NECAB1: variants seen among roughly 807,000 people sequenced by gnomAD.
NECAB1 encodes N-terminal EF-hand calcium-binding protein 1.
Under a neutral mutation model 57.5 loss-of-function variants are expected in NECAB1, and 29 were observed. That is an observed-to-expected ratio of 0.50 (90% CI 0.38 to 0.69). The LOEUF is 0.69. Ranked by LOEUF, NECAB1 falls within the 30% of genes least tolerant of loss-of-function variation. NECAB1 has a pLI of 0.00. For synonymous variants in NECAB1, 142 were observed against 147.7 expected (o/e 0.96, Z 0.28); for missense variants, 372 against 413.8 (o/e 0.90, Z 0.88).
At chr8:90,926,533 C>T (rs890061954) in intron 7 of NECAB1, among the ~76,000 whole-genome samples, 1 of 152,136 alleles carries the variant, frequency 6.6e-6, no homozygotes, top group Non-Finnish European at 1.5e-5. Context: ...ACCTTAAAAT[C>T]TTGATGGTTA....
At chr8:90,953,083 A>G (rs1456432962) in intron 12 of NECAB1, among the ~76,000 whole-genome samples, 9 of 152,182 alleles carry the variant, frequency 5.9e-5, no homozygotes, top group African/African-American at 1.2e-4. Flanking sequence ...GTCTGTCATC[A>G]CACCCATTTC....
intron 3 of NECAB1, among the ~76,000 whole-genome samples, chr8:90,842,268 G>T (rs1812468062): frequency 1.3e-5 from 2 of 152,264 alleles, no homozygotes; most frequent in Admixed American, 6.5e-5. Context: ...CCTCCTAAAA[G>T]GTCCATCCAC....
chr8:90,838,523 T>C (rs910737727), intron 3 of NECAB1, among the ~76,000 whole-genome samples: 2 of 152,230 alleles, frequency 1.3e-5, no homozygotes, highest in Non-Finnish European at 2.9e-5. Flanking sequence ...TTGGACAGTA[T>C]GCTGTCCCAT....
intron 6 of NECAB1, among the ~76,000 whole-genome samples, chr8:90,922,473 G>A (rs1810138287): frequency 9.4e-6 from 1 of 106,666 alleles, no homozygotes; most frequent in Non-Finnish European, 1.9e-5. Flanking sequence ...CACCAAAGCT[G>A]CCAAAAACTT....
At chr8:90,908,059 A>G (rs1809737293) in intron 5 of NECAB1, among the ~76,000 whole-genome samples, 1 of 152,216 alleles carries the variant, frequency 6.6e-6, no homozygotes. Context: ...GATATTTTGA[A>G]AAATGTATTT....
intron 4 of NECAB1, among the ~76,000 whole-genome samples, chr8:90,875,944 A>C (rs975224278): frequency 1.4e-4 from 21 of 151,888 alleles, no homozygotes; most frequent in Admixed American, 1.2e-3. Flanking sequence ...CGGGAGGCGG[A>C]GCTTGCAGTG....
intron 3 of NECAB1, among the ~76,000 whole-genome samples, chr8:90,840,177 G>C (rs958471055): frequency 6.6e-6 from 1 of 152,220 alleles, no homozygotes; most frequent in African/African-American, 2.4e-5. Flanking sequence ...TTCACGGATT[G>C]AGTTAGACGT....
At chr8:90,907,094 G>A (rs890681539) in intron 5 of NECAB1, among the ~76,000 whole-genome samples, 4 of 148,948 alleles carry the variant, frequency 2.7e-5, no homozygotes, top group African/African-American at 1.0e-4. Flanking sequence ...AAATTTGAGG[G>A]TCTTTACTTC....
chr8:90,925,249 C>T (rs1445900882), intron 6 of NECAB1, among the ~76,000 whole-genome samples: 6 of 151,428 alleles, frequency 4.0e-5, no homozygotes, highest in South Asian at 2.1e-4. Context: ...GCTGCATACA[C>T]GTTTTTCCAC....
In NECAB1 at chr8:90,855,824, G is replaced by A. The variant is rs180814009; in HGVS notation, c.234-16304G>A. ...TGTGGTCACAGTTGGTCTTCAGCCTGGTGGGATTTCCAGGTTTTCAGCAGG... is the reference window on the plus strand; with the variant it reads ...TGTGGTCACAGTTGGTCTTCAGCCTAGTGGGATTTCCAGGTTTTCAGCAGG... On this transcript the variant is annotated intron_variant, in intron 3 of 12. Transcript: ENST00000417640. Among the ~76,000 whole-genome samples, 120 of 152,262 alleles carry A rather than the reference G, an allele frequency of 7.9e-4. 1 individual carries two copies. Among genetic ancestry groups the A allele is most frequent in the African/African-American group, 2.8e-3 (115 of 41,556 alleles).
intron 9 of NECAB1, among the ~76,000 whole-genome samples, chr8:90,936,818 T>C (rs1810550743): frequency 6.6e-6 from 1 of 151,980 alleles, no homozygotes. Flanking sequence ...TTTTTTTTTC[T>C]CAGCCCAGAG....
rs1812062866 is a variant in NECAB1, at chr8:90,816,463, G to A, written c.125-8254G>A. Among the ~76,000 whole-genome samples, 3 of 151,926 alleles carry A rather than the reference G, an allele frequency of 2.0e-5. No individual in the cohort carries two copies. The South Asian group carries it at 6.2e-4, about 31-fold the overall frequency. On this transcript the variant is annotated intron_variant, in intron 2 of 12. Transcript: ENST00000417640. ...TTTCTCCTAATTTTTAATTTTAAAT[G>A]TAGGTCTAATATCCATTTGAAGTTA...
intron 10 of NECAB1, among the ~76,000 whole-genome samples, chr8:90,947,303 T>TAA (rs1563545924): frequency 0.058 from 4,522 of 78,258 alleles, 361 homozygotes; most frequent in African/African-American, 0.21. Context: ...TAACAACACA[T>TAA]ACACACACAC....
Position 90,921,616 on chromosome 8 carries a change from G to A in NECAB1, c.495-3919G>A, listed in dbSNP as rs550529372. Among the ~76,000 whole-genome samples, 7 of 152,054 alleles carry A rather than the reference G, an allele frequency of 4.6e-5. No homozygotes were observed. The East Asian group carries it at 1.4e-3, about 30-fold the overall frequency. On this transcript the variant is annotated intron_variant, in intron 6 of 12. Transcript: ENST00000417640. The stretch of plus-strand genomic sequence containing the variant: ...TTGAACCCAGGAGGCGGAGGTTGCA[G>A]TAAGCAGAGATCGCGCCACTACACT...
At chr8:90,902,460 C>T (rs944298223) in intron 5 of NECAB1, among the ~76,000 whole-genome samples, 7 of 152,142 alleles carry the variant, frequency 4.6e-5, no homozygotes, top group Non-Finnish European at 8.8e-5. Context: ...AAGTTACATA[C>T]GTAGAAAAGG....
At chr8:90,952,192 C>A (rs182609589) in intron 12 of NECAB1, among the ~76,000 whole-genome samples, 2 of 149,818 alleles carry the variant, frequency 1.3e-5, no homozygotes, top group African/African-American at 4.9e-5. Context: ...AGAGATTAAC[C>A]AATTAGGGCA....
chr8:90,947,299 C>CTAA (rs140434479), intron 10 of NECAB1, among the ~76,000 whole-genome samples: 2,646 of 129,820 alleles, frequency 0.02, 138 homozygotes, highest in African/African-American at 0.07. Flanking sequence ...GGGCTAACAA[C>CTAA]ACATACACAC....
rs975915109 is a variant in NECAB1, at chr8:90,958,530, A to G, written c.*3018A>G. 1 of 152,712 alleles carries G rather than the reference A, an allele frequency of 6.5e-6. No individual in the cohort carries two copies. Among genetic ancestry groups the G allele is most frequent in the South Asian group, 2.0e-4 (1 of 4,900 alleles). 9.5% of individuals were successfully genotyped at this position (152,712 alleles called of 1,614,324 possible). On this transcript the variant is annotated 3_prime_UTR_variant, in exon 13 of 13. Coordinates refer to ENST00000417640, the MANE Select transcript of NECAB1 (RefSeq NM_022351.5). The stretch of plus-strand genomic sequence containing the variant: ...GCATTGAACATTCTGAATCATTCTA[A>G]GCCTCTGGAGAGACTGTAATGATCC...
At chr8:90,874,953 T>C (rs1320812293) in intron 4 of NECAB1, among the ~76,000 whole-genome samples, 1 of 151,926 alleles carries the variant, frequency 6.6e-6, no homozygotes, top group Admixed American at 6.6e-5. Flanking sequence ...ATGCATTTTT[T>C]TTTTGCCGTA....
Sources: gnomAD v4.1 joint callset for allele counts (sites outside exome capture counted in the v4.1 genomes callset) on GRCh38, gnomAD v4.1.1 for gene constraint, MANE v1.5 for transcripts, NCBI Gene and HGNC (gene_info 2026-07-23, HGNC 2026-07-21) for gene names.